The following FRMD4B variants were observed in gnomAD, a reference collection of about 807,000 sequenced individuals.
FRMD4B encodes FERM domain-containing protein 4B.
In FRMD4B, 74 loss-of-function variants were observed where a neutral mutation model predicts 141.5. The ratio of observed to expected loss-of-function variants is 0.52; its 90% confidence interval spans 0.43 to 0.63. FRMD4B has a LOEUF of 0.63. Among genes scored for constraint, FRMD4B ranks in the 30% least tolerant of loss-of-function variants. The probability of loss-of-function intolerance (pLI) is 0.00; values close to 1 mark genes in which losing one functional copy is unlikely to be tolerated. For synonymous variants in FRMD4B, 506 were observed against 467.9 expected, an observed-to-expected ratio of 1.08 and a Z score of -1.05; for missense variants, 1,366 against 1,253.4, an observed-to-expected ratio of 1.09 and a Z score of -1.36.
chr3:69,229,330 A>C (rs958934417), intron 7 of FRMD4B, among the ~76,000 whole-genome samples: 5 of 152,044 alleles, frequency 3.3e-5, no homozygotes, highest in African/African-American at 9.7e-5. Flanking sequence ...CCAGCCCCCC[A>C]AAATTACATT....
At chr3:69,252,803 G>A (rs982530628) in intron 5 of FRMD4B, among the ~76,000 whole-genome samples, 5 of 152,166 alleles carry the variant, frequency 3.3e-5, no homozygotes, top group Non-Finnish European at 2.9e-5. Context: ...TACCGGGCAA[G>A]CCAACACTTG....
At chr3:69,247,051 CAA>C (rs2093430115) in intron 7 of FRMD4B, among the ~76,000 whole-genome samples, 1 of 152,142 alleles carries the variant, frequency 6.6e-6, no homozygotes, top group Non-Finnish European at 1.5e-5. Flanking sequence ...ACCTTAGTCT[CAA>C]AAGTCTCATC....
intron 11 of FRMD4B, among the ~76,000 whole-genome samples, chr3:69,210,403 G>A (rs1298998799): frequency 2.7e-5 from 4 of 150,836 alleles, no homozygotes; most frequent in African/African-American, 2.5e-5. Flanking sequence ...ATACTTAGAA[G>A]GAACACAAGG....
intron 7 of FRMD4B, among the ~76,000 whole-genome samples, chr3:69,230,710 C>T (rs937148671): frequency 6.6e-5 from 10 of 151,464 alleles, no homozygotes; most frequent in Non-Finnish European, 1.0e-4. Context: ...ATCGCATCAT[C>T]GCACCCCAGC....
chr3:69,503,842 A>T (rs1015740048), intron 1 of FRMD4B, among the ~76,000 whole-genome samples: 4 of 152,116 alleles, frequency 2.6e-5, no homozygotes, highest in African/African-American at 7.2e-5. Context: ...GAGTAAATTC[A>T]CCCATTACAG....
At chr3:69,460,462 G>A (rs903138041) in intron 1 of FRMD4B, among the ~76,000 whole-genome samples, 3 of 152,102 alleles carry the variant, frequency 2.0e-5, no homozygotes, top group African/African-American at 4.8e-5. Context: ...CACTCTTTGG[G>A]GCTCTTGGAT....
intron 7 of FRMD4B, among the ~76,000 whole-genome samples, chr3:69,248,030 G>A (rs1349391884): frequency 2.0e-5 from 3 of 151,922 alleles, no homozygotes; most frequent in Admixed American, 1.3e-4. Flanking sequence ...GGCCTCAAGT[G>A]ATCCTCCCTC....
At chr3:69,357,084 T>C (rs541232222) in intron 1 of FRMD4B, among the ~76,000 whole-genome samples, 1 of 152,246 alleles carries the variant, frequency 6.6e-6, no homozygotes, top group South Asian at 2.1e-4. Flanking sequence ...AAACACAGGA[T>C]TGGAGAGTTT....
At chr3:69,469,715 T>C (rs973884710) in intron 1 of FRMD4B, among the ~76,000 whole-genome samples, 17 of 152,102 alleles carry the variant, frequency 1.1e-4, no homozygotes, top group African/African-American at 4.1e-4. Context: ...GACAGACAAA[T>C]AGAGAAAAAT....
intron 1 of FRMD4B, among the ~76,000 whole-genome samples, chr3:69,464,838 C>A (rs762160188): frequency 3.9e-5 from 6 of 152,174 alleles, no homozygotes; most frequent in Non-Finnish European, 8.8e-5. Context: ...CACTGAATTA[C>A]AACACGGCAA....
chr3:69,455,993 CT>C (rs1705602149), intron 1 of FRMD4B, among the ~76,000 whole-genome samples: 1 of 152,126 alleles, frequency 6.6e-6, no homozygotes, highest in South Asian at 2.1e-4. Context: ...TGCTTTGAGG[CT>C]TAATTCAGAT....
chr3:69,371,803 G>A (rs1194806545), intron 1 of FRMD4B, among the ~76,000 whole-genome samples: 2 of 152,232 alleles, frequency 1.3e-5, no homozygotes, highest in Non-Finnish European at 2.9e-5. Flanking sequence ...AGTACGCTCT[G>A]AGAGGGCAGA....
At chr3:69,308,583 G>A (rs987458192) in intron 3 of FRMD4B, among the ~76,000 whole-genome samples, 1 of 151,898 alleles carries the variant, frequency 6.6e-6, no homozygotes, top group Non-Finnish European at 1.5e-5. Flanking sequence ...GACTACAGGT[G>A]TGCACCATCA....
At chr3:69,399,369 G>A (rs1266449526) in intron 2 of FRMD4B, among the ~76,000 whole-genome samples, 8 of 152,146 alleles carry the variant, frequency 5.3e-5, no homozygotes, top group Non-Finnish European at 8.8e-5. Context: ...ATGTCCTTCC[G>A]AACAAGAACT....
intron 1 of FRMD4B, among the ~76,000 whole-genome samples, chr3:69,346,552 A>G (rs1222822873): frequency 2.0e-5 from 3 of 152,216 alleles, no homozygotes; most frequent in Non-Finnish European, 4.4e-5. Context: ...AGTTGAAATG[A>G]AGGAAAAAAT....
intron 22 of FRMD4B, among the ~76,000 whole-genome samples, chr3:69,173,198 T>C (rs1272073597): frequency 6.6e-6 from 1 of 152,190 alleles, no homozygotes. Flanking sequence ...AGAAAAAAGT[T>C]ATTTGAAAAT....
intron 1 of FRMD4B, among the ~76,000 whole-genome samples, chr3:69,361,566 G>A (rs974621962): frequency 6.6e-6 from 1 of 152,038 alleles, no homozygotes; most frequent in African/African-American, 2.4e-5. Context: ...AGTTTTTCCT[G>A]TTGTAGAACT....
intron 20 of FRMD4B, among the ~76,000 whole-genome samples, chr3:69,182,271 C>G (rs974306367): frequency 2.6e-5 from 4 of 152,096 alleles, no homozygotes; most frequent in Non-Finnish European, 4.4e-5. Context: ...CTAAATAATC[C>G]AGTGAATATA....
chr3:69,340,045 T>C (rs564227269), intron 1 of FRMD4B, among the ~76,000 whole-genome samples: 29 of 152,288 alleles, frequency 1.9e-4, no homozygotes, highest in African/African-American at 6.5e-4. Context: ...CCCAGCCACA[T>C]TGCCTTCCTC....
Sources: gnomAD v4.1 joint callset for allele counts (sites outside exome capture counted in the v4.1 genomes callset) on GRCh38, gnomAD v4.1.1 for gene constraint, MANE v1.5 for transcripts, NCBI Gene and HGNC (gene_info 2026-07-23, HGNC 2026-07-21) for gene names.